Variants in ONECUT2 observed in about 807,000 individuals in gnomAD.
ONECUT2 encodes one cut homeobox 2.
Under a neutral mutation model 27.9 loss-of-function variants are expected in ONECUT2, and 10 were observed. The observed-to-expected ratio is 0.36, with a 90% confidence interval of 0.22 to 0.61. The LOEUF (loss-of-function observed/expected upper bound fraction) is 0.61. ONECUT2 is among the 20% of genes least tolerant of loss of function. ONECUT2 has a pLI of 0.73. For missense variants in ONECUT2, 686 were observed against 721.0 expected, an observed-to-expected ratio of 0.95 and a Z score of 0.56; for synonymous variants, 334 against 315.1, an observed-to-expected ratio of 1.06 and a Z score of -0.64.
rs771463182 is a variant in ONECUT2, at chr18:57,487,735, A to G, written c.*11012A>G. Reference sequence around the variant, plus strand: ...ATTTTTACCTGCCCAACAATGTTCCATCTACCATCTAAAAGGTAATATAAG... The same window carrying G: ...ATTTTTACCTGCCCAACAATGTTCCGTCTACCATCTAAAAGGTAATATAAG... On this transcript the variant is annotated 3_prime_UTR_variant, in exon 2 of 2. Transcript: ENST00000491143. 6.6e-6 allele frequency: 1 copy of G among 152,170 alleles called. No homozygotes were observed. The highest frequency in any genetic ancestry group is 6.5e-5 in the Admixed American group (1 of 15,268). 9.4% of individuals were successfully genotyped at this position (152,170 alleles called of 1,614,324 possible).
At chr18:57,467,298 G>A (rs2050326796) in intron 1 of ONECUT2, 2 of 409,716 alleles carry the variant, frequency 4.9e-6, no homozygotes, top group Non-Finnish European at 9.8e-6. Context: ...AGGCGGCGGT[G>A]TGGAGAAAGA....
At chr18:57,455,910 G>A (rs570427986) in intron 1 of ONECUT2, among the ~76,000 whole-genome samples, 1 of 152,340 alleles carries the variant, frequency 6.6e-6, no homozygotes, top group East Asian at 1.9e-4. Flanking sequence ...CTTGCACGTA[G>A]AGTAAGGAAG....
chr18:57,467,709 A>C (rs1436363663), intron 1 of ONECUT2, among the ~76,000 whole-genome samples: 4 of 152,154 alleles, frequency 2.6e-5, no homozygotes, highest in African/African-American at 9.7e-5. Flanking sequence ...TACTACAGGA[A>C]ATCTCCCCAG....
chr18:57,455,792 A>G (rs2050256014), intron 1 of ONECUT2, among the ~76,000 whole-genome samples: 1 of 151,162 alleles, frequency 6.6e-6, no homozygotes, highest in Non-Finnish European at 1.5e-5. Flanking sequence ...GGGACGTCTT[A>G]GGGAAAAGGA....
intron 1 of ONECUT2, among the ~76,000 whole-genome samples, chr18:57,437,186 T>C (rs78961585): frequency 0.033 from 4,352 of 131,494 alleles, 92 homozygotes; most frequent in Non-Finnish European, 0.043. Flanking sequence ...TGAGCTTTCA[T>C]TGACCGACCC....
intron 1 of ONECUT2, among the ~76,000 whole-genome samples, chr18:57,440,609 G>C (rs1168344906): frequency 6.6e-6 from 1 of 152,226 alleles, no homozygotes; most frequent in Admixed American, 6.5e-5. Context: ...AACCCACCAT[G>C]ATGTCGCCTG....
rs1028809320 is a variant in ONECUT2, at chr18:57,478,100, C to T, written c.*1377C>T. ...AGAAATCAGAAAACCTCTGCAACTCCGAATGGCATTCAGCTCTTGCATTTG... is the reference window on the plus strand; with the variant it reads ...AGAAATCAGAAAACCTCTGCAACTCTGAATGGCATTCAGCTCTTGCATTTG... On this transcript the variant is annotated 3_prime_UTR_variant, in exon 2 of 2. Coordinates refer to ENST00000491143, the MANE Select transcript of ONECUT2 (RefSeq NM_004852.3). The T allele has an allele frequency of 3.9e-5, 6 of 152,634 alleles. No individual in the cohort carries two copies. The highest frequency in any genetic ancestry group is 4.1e-4 in the South Asian group (2 of 4,828). The allele number at this position is 152,634 out of a possible 1,614,324, so 9.5% of individuals were successfully genotyped here. A position where few individuals can be genotyped will look rare whatever the true frequency, so the allele number is the denominator to read the frequency against.
At chr18:57,456,316 C>T (rs2050259250) in intron 1 of ONECUT2, among the ~76,000 whole-genome samples, 1 of 152,064 alleles carries the variant, frequency 6.6e-6, no homozygotes, top group Admixed American at 6.5e-5. Flanking sequence ...TTCACAACAG[C>T]CAAAAGGTGG....
At chr18:57,464,144 T>A (rs1227330716) in intron 1 of ONECUT2, among the ~76,000 whole-genome samples, 1 of 152,204 alleles carries the variant, frequency 6.6e-6, no homozygotes, top group Non-Finnish European at 1.5e-5. Flanking sequence ...ATTTGCTTAA[T>A]CCTCTGTACC....
intron 1 of ONECUT2, among the ~76,000 whole-genome samples, chr18:57,466,446 T>A (rs919818451): frequency 2.0e-5 from 3 of 152,240 alleles, no homozygotes; most frequent in African/African-American, 7.2e-5. Context: ...AGCTGCCCCA[T>A]GCTCTCCTAG....
Position 57,436,278 on chromosome 18 carries a change from T to A in ONECUT2, c.562T>A (p.Ser188Thr), listed in dbSNP as rs1568116664. The A allele has an allele frequency of 6.2e-7, 1 of 1,604,506 alleles. No homozygotes were observed. Among genetic ancestry groups the A allele is most frequent in the Non-Finnish European group, 8.5e-7 (1 of 1,179,280 alleles). The change falls in exon 1 of 2, where the codon TCC (serine) becomes ACC (threonine). Residue 188 changes from serine (S) to threonine (T), a missense_variant. This residue lies in a region of ONECUT2 where 511 missense variants were observed against 488.1 expected (regional missense o/e 1.05). Coordinates refer to ENST00000491143, the MANE Select transcript of ONECUT2 (RefSeq NM_004852.3). This position sits in a 1 kb window ranked among gnomAD's most constrained non-coding sequence, Gnocchi z 5.9. ...HHHHHHHQRL[S>T]GNVSGSFTLM... ...CCACCACCACCACCACCAGCGCCTG[T>A]CCGGCAACGTCAGCGGCAGCTTCAC...
chr18:57,475,642 C>T (rs1216276009), intron 1 of ONECUT2, among the ~76,000 whole-genome samples: 2 of 152,154 alleles, frequency 1.3e-5, no homozygotes, highest in African/African-American at 2.4e-5. Context: ...CTGCATATGT[C>T]AGCCCAGGCA....
intron 1 of ONECUT2, among the ~76,000 whole-genome samples, chr18:57,457,164 G>T (rs941688133): frequency 2.0e-5 from 3 of 152,142 alleles, no homozygotes; most frequent in African/African-American, 7.2e-5. Context: ...AGCACACAAG[G>T]TTCCAATTTT....
intron 1 of ONECUT2, among the ~76,000 whole-genome samples, chr18:57,448,087 G>A (rs1420351999): frequency 2.0e-5 from 3 of 152,200 alleles, no homozygotes; most frequent in African/African-American, 4.8e-5. Context: ...TTATTCCAGA[G>A]AAAAGAGATA....
At position 57,482,173 on chromosome 18, in the gene ONECUT2, ATGT is replaced by A. The variant is rs2050419509; in HGVS notation, c.*5453_*5455del. 1 of 152,144 alleles carries A rather than the reference ATGT, an allele frequency of 6.6e-6. No individual in the cohort carries two copies. Among genetic ancestry groups the A allele is most frequent in the Non-Finnish European group, 1.5e-5 (1 of 68,026 alleles). The allele number at this position is 152,144 out of a possible 1,614,324, so 9.4% of individuals were successfully genotyped here. ...GTTGTATAAGTCTCATAAGATAATG[ATGT>A]TGATTTTAAATATGGATGTCTCAAT... On this transcript the variant is annotated 3_prime_UTR_variant, in exon 2 of 2. Transcript: ENST00000491143.
chr18:57,459,466 A>G (rs1028234709), intron 1 of ONECUT2, among the ~76,000 whole-genome samples: 2 of 152,256 alleles, frequency 1.3e-5, no homozygotes, highest in African/African-American at 4.8e-5. Flanking sequence ...GGAGGGATAG[A>G]CTATAATATA....
At position 57,436,914 on chromosome 18, in the gene ONECUT2, T is replaced by C; in HGVS notation, c.1198T>C (p.Phe400Leu). The change falls in exon 1 of 2, where the codon TTC becomes CTC. Residue 400 changes from phenylalanine (F) to leucine (L), a missense_variant. This residue lies in a region of ONECUT2 where 51 missense variants were observed against 41.3 expected (regional missense o/e 1.23). Coordinates refer to ENST00000491143, the MANE Select transcript of ONECUT2 (RefSeq NM_004852.3). The surrounding 1 kb of genome is among the most constrained non-coding windows in gnomAD (Gnocchi z 5.9). ...RMWKWLQEPE[F>L]QRMSALRLAA... ...GTGGAAGTGGCTTCAGGAGCCCGAG[T>C]TCCAGCGCATGTCCGCCTTACGCCT... The C allele has an allele frequency of 6.2e-7, 1 of 1,610,230 alleles. No individual in the cohort carries two copies. The highest frequency in any genetic ancestry group is 8.5e-7 in the Non-Finnish European group (1 of 1,178,578).
chr18:57,455,571 G>A (rs1028503421), intron 1 of ONECUT2, among the ~76,000 whole-genome samples: 1 of 152,124 alleles, frequency 6.6e-6, no homozygotes, highest in Non-Finnish European at 1.5e-5. Flanking sequence ...TCTGCATGTG[G>A]TCATCCTGGA....
In ONECUT2 at chr18:57,463,175, C is replaced by T. The variant is rs115451917; in HGVS notation, c.1229-13262C>T. Among the ~76,000 whole-genome samples, 400 of 152,316 alleles carry T rather than the reference C, an allele frequency of 2.6e-3. 2 individuals are homozygous for T. Among genetic ancestry groups the T allele is most frequent in the African/African-American group, 9.1e-3 (378 of 41,554 alleles). Reference sequence around the variant, plus strand: ...CACAATGCCTATCCAGTTATTCCAACTCCATTACAGGAGAGAACACATGTT... The same window carrying T: ...CACAATGCCTATCCAGTTATTCCAATTCCATTACAGGAGAGAACACATGTT... On this transcript the variant is annotated intron_variant, in intron 1 of 1. Coordinates refer to ENST00000491143, the MANE Select transcript of ONECUT2 (RefSeq NM_004852.3).
Sources: allele counts gnomAD v4.1 joint callset (sites outside exome capture counted in the v4.1 genomes callset), GRCh38; gene constraint gnomAD v4.1.1; regional missense constraint gnomAD v4.1.1; non-coding constraint Gnocchi (gnomAD v3.1); transcripts MANE v1.5; gene names NCBI Gene and HGNC (gene_info 2026-07-23, HGNC 2026-07-21).